The following KIF23 variants were observed in gnomAD, a reference collection of about 807,000 sequenced individuals.
The protein encoded by KIF23 is kinesin-like protein KIF23.
Under a neutral mutation model 137.5 loss-of-function variants are expected in KIF23, and 30 were observed. That is an observed-to-expected ratio of 0.22 (90% confidence interval 0.16 to 0.30). The LOEUF is 0.30. Ranked by LOEUF, KIF23 falls within the 10% of genes least tolerant of loss-of-function variation. The pLI, the probability that KIF23 is intolerant of heterozygous loss-of-function variation, is 1.00. For synonymous variants in KIF23, 367 were observed against 391.1 expected (o/e 0.94, Z 0.73); for missense variants, 920 against 1,194.3 (o/e 0.77, Z 3.38).
intron 10 of KIF23, chr15:69,427,345 A>C (rs772337411): frequency 2.2e-6 from 1 of 454,842 alleles, no homozygotes; most frequent in South Asian, 1.6e-5. Flanking sequence ...ATGACATTAA[A>C]ACTTTTTTTT....
rs971554913 is a variant in KIF23, at chr15:69,417,565, A to T, written c.210+54A>T. ...TACTCAATATGTTGTTTCCTGAATG[A>T]CTTCTAGATTTTTAGATGTAACAAA... is the stretch of plus-strand genomic sequence containing the variant. On this transcript the variant is annotated intron_variant, in intron 3 of 23. Transcript: ENST00000679126. The T allele has an allele frequency of 1.2e-5, 18 of 1,559,450 alleles. No individual in the cohort carries two copies. In the African/African-American group the frequency reaches 2.5e-4, roughly 21 times the overall value.
intron 1 of KIF23, chr15:69,414,819 C>T (rs537969850): frequency 9.9e-4 from 283 of 286,850 alleles, no homozygotes; most frequent in Admixed American, 2.4e-3. Context: ...TTCCCTTCTC[C>T]CTCGCTGGCT....
Position 69,417,527 on chromosome 15 carries a change from A to G in KIF23, c.210+16A>G. ...CTATAAGGAGGTAATTCTGATTTGG[A>G]CCAAGTTGTTTTTACTCAATATGTT... On this transcript the variant is annotated intron_variant, in intron 3 of 23. Coordinates refer to ENST00000679126, the MANE Select transcript of KIF23 (RefSeq NM_001367805.3). 1 of 1,604,996 alleles carries G rather than the reference A, an allele frequency of 6.2e-7. No individual in the cohort carries two copies. Among genetic ancestry groups the G allele is most frequent in the East Asian group, 2.2e-5 (1 of 44,786 alleles).
At position 69,417,594 on chromosome 15, in the gene KIF23, C is replaced by G. The variant is rs76516898; in HGVS notation, c.210+83C>G. The stretch of plus-strand genomic sequence containing the variant: ...CTAGATTTTTAGATGTAACAAAGTT[C>G]ATTTGTGAGCCCACATTTTCAAAAG... On this transcript the variant is annotated intron_variant, in intron 3 of 23. Transcript: ENST00000679126. 4.3e-6 allele frequency: 6 copies of G among 1,394,556 alleles called. No individual in the cohort carries two copies. In the East Asian group the frequency reaches 1.4e-4, roughly 33 times the overall value. The allele number at this position is 1,394,556 out of a possible 1,614,324, so 86.4% of individuals were successfully genotyped here.
intron 19 of KIF23, among the ~76,000 whole-genome samples, chr15:69,443,334 T>G (rs1025032722): frequency 1.7e-5 from 2 of 115,766 alleles, no homozygotes; most frequent in African/African-American, 3.8e-5. Flanking sequence ...GGGTTTTTTT[T>G]TTTTTTTTTT....
chr15:69,419,053 G>C (rs1246706580), intron 3 of KIF23, among the ~76,000 whole-genome samples: 1 of 152,166 alleles, frequency 6.6e-6, no homozygotes, highest in Non-Finnish European at 1.5e-5. Context: ...GGAGGCGGAG[G>C]TTGCAGTGAG....
At position 69,443,326 on chromosome 15, in the gene KIF23, G is replaced by GTTT. The variant is rs10538305; in HGVS notation, c.2422-1436_2422-1434dup. ...ATTTGCTTTCAGTTTTGTTTTTTGG[G>GTTT]TTTTTTTTTTTTTTTTTTTTTTTTT... is the stretch of plus-strand genomic sequence containing the variant. On this transcript the variant is annotated intron_variant, in intron 19 of 23. Transcript: ENST00000679126. 4.1e-4 allele frequency among the ~76,000 whole-genome samples: 24 copies of GTTT among 58,600 alleles called. 2 individuals are homozygous for GTTT. The highest frequency in any genetic ancestry group is 1.6e-3 in the East Asian group (3 of 1,918). The allele number at this position is 58,600 out of a possible 152,430, so 38.4% of individuals were successfully genotyped here.
chr15:69,421,772 G>A lies in KIF23; in HGVS notation c.316+20G>A. 1.9e-6 allele frequency: 3 copies of A among 1,540,112 alleles called. No homozygotes were observed. The highest frequency in any genetic ancestry group is 2.7e-6 in the Non-Finnish European group (3 of 1,122,528). ...AAAATGGTATGATATGACTCTTGGAGTTTTGTTAGATTTTCCTTTTTCTCC... is the reference window on the plus strand; with the variant it reads ...AAAATGGTATGATATGACTCTTGGAATTTTGTTAGATTTTCCTTTTTCTCC... On this transcript the variant is annotated intron_variant, in intron 4 of 23. Transcript: ENST00000679126.
intron 19 of KIF23, among the ~76,000 whole-genome samples, chr15:69,443,329 T>G (rs1483889411): frequency 1.1e-4 from 6 of 54,726 alleles, no homozygotes; most frequent in African/African-American, 2.1e-4. Context: ...TTTTTGGGTT[T>G]TTTTTTTTTT....
In KIF23 at chr15:69,436,612, C is replaced by T. The variant is rs778432885; in HGVS notation, c.1487C>T (p.Ser496Leu). 1.2e-6 allele frequency: 2 copies of T among 1,612,644 alleles called. No homozygotes were observed. Among genetic ancestry groups the T allele is most frequent in the Non-Finnish European group, 1.7e-6 (2 of 1,178,944 alleles). Residue 496 changes from serine to leucine, a missense_variant, in exon 15 of 24, where the codon TCA (serine) becomes TTA (leucine). Transcript: ENST00000679126. The part of the protein sequence containing the change: ...VVLQSFPPLP[S>L]CEILDINDEQ... ...TTGCAGAGTTTTCCACCTTTGCCAT[C>T]ATGCGAAATTTTGGATATCAACGAT...
intron 23 of KIF23, 35 bp downstream of exon 23, chr15:69,446,976 GC>G: frequency 6.5e-7 from 1 of 1,548,976 alleles, no homozygotes; most frequent in East Asian, 2.2e-5. Context: ...CTTGCTGTGT[GC>G]TTTTTTCCTC....
Position 69,426,169 on chromosome 15 carries a change from A to G in KIF23, c.876A>G (p.Glu292=). Reference sequence around the variant, plus strand: ...TGAAATCTACTGAGGAGGCTTTTGAAGTTTTCTGGAGAGGTTAGAAACACC... The same window carrying G: ...TGAAATCTACTGAGGAGGCTTTTGAGGTTTTCTGGAGAGGTTAGAAACACC... The part of the protein sequence containing the change: ...VEVKSTEEAF[E]VFWRGQKKRR... The change falls in exon 9 of 24, where the codon GAA becomes GAG. Residue 292 remains glutamate, a synonymous_variant. Transcript: ENST00000679126. The G allele has an allele frequency of 6.2e-7, 1 of 1,606,926 alleles. No homozygotes were observed. Among genetic ancestry groups the G allele is most frequent in the Non-Finnish European group, 8.5e-7 (1 of 1,177,640 alleles).
At chr15:69,420,222 C>T (rs960588445) in intron 3 of KIF23, among the ~76,000 whole-genome samples, 29 of 152,052 alleles carry the variant, frequency 1.9e-4, no homozygotes, top group Admixed American at 1.2e-3. Context: ...CGAGATCCTA[C>T]CACTGCACTC....
At chr15:69,440,573 T>G (rs1292593838) in intron 18 of KIF23, 86 bp downstream of exon 18, 2 of 1,283,072 alleles carry the variant, frequency 1.6e-6, no homozygotes, top group East Asian at 5.1e-5. Context: ...ATTTTTACAT[T>G]TTATAATACT....
intron 20 of KIF23, 54 bp downstream of exon 20, chr15:69,445,095 G>A (rs1024987260): frequency 1.1e-5 from 17 of 1,494,206 alleles, no homozygotes; most frequent in Non-Finnish European, 1.4e-5. Context: ...TTCAACAAAA[G>A]TCCATTTGTC....
At chr15:69,422,185 A>G in intron 5 of KIF23, 57 bp downstream of exon 5, 2 of 1,571,598 alleles carry the variant, frequency 1.3e-6, no homozygotes, top group Non-Finnish European at 1.7e-6. Flanking sequence ...ACCTATGGAT[A>G]CAGTAGTAGT....
chr15:69,421,607 A>G (rs201132960), intron 3 of KIF23, 40 bp from the exon 4 acceptor site: 143 of 1,203,584 alleles, frequency 1.2e-4, no homozygotes, highest in Non-Finnish European at 4.9e-6. Flanking sequence ...CCTAGATAAT[A>G]GTGGAATTCT....
intron 11 of KIF23, 41 bp from the exon 12 acceptor site, chr15:69,435,442 C>T (rs571320308): frequency 1.4e-6 from 2 of 1,470,004 alleles, no homozygotes; most frequent in East Asian, 4.5e-5. Context: ...AGCTACTATA[C>T]TGTTGTTCTG....
In KIF23 at chr15:69,448,179, G is replaced by C. The variant is rs1407037667; in HGVS notation, c.*372G>C. 1.9e-5 allele frequency: 3 copies of C among 157,452 alleles called. No homozygotes were observed. The highest frequency in any genetic ancestry group is 4.2e-5 in the Non-Finnish European group (3 of 71,396). The allele number at this position is 157,452 out of a possible 1,614,324, so 9.8% of individuals were successfully genotyped here. A position where few individuals can be genotyped will look rare whatever the true frequency, so the allele number is the denominator to read the frequency against. On this transcript the variant is annotated 3_prime_UTR_variant, in exon 24 of 24. Coordinates refer to ENST00000679126, the MANE Select transcript of KIF23 (RefSeq NM_001367805.3). ...GGAAGACTATATCTAGATCATGTCT[G>C]ATTTTTTATTGTGACTTCTCCAGCC...
Sources: allele counts gnomAD v4.1 joint callset (sites outside exome capture counted in the v4.1 genomes callset), GRCh38; gene constraint gnomAD v4.1.1; transcripts MANE v1.5; gene names NCBI Gene and HGNC (gene_info 2026-07-23, HGNC 2026-07-21).